The following SPAG16 variants were observed in gnomAD, a reference collection of about 807,000 sequenced individuals.
SPAG16 encodes sperm associated antigen 16.
In SPAG16, 86 loss-of-function variants were observed where a neutral mutation model predicts 80.4. That is an observed-to-expected ratio of 1.07 (90% CI 0.90 to 1.28). The LOEUF is 1.28. Among genes scored for constraint, SPAG16 ranks in the 50% most tolerant of loss-of-function variants. The pLI is 0.00. For synonymous variants in SPAG16, 294 were observed against 265.9 expected (o/e 1.11, Z -1.03); for missense variants, 870 against 765.3 (o/e 1.14, Z -1.61).
chr2:213,620,287 T>G (rs1490085724), intron 10 of SPAG16, among the ~76,000 whole-genome samples: 108 of 120,986 alleles, frequency 8.9e-4, no homozygotes, highest in Middle Eastern at 7.8e-3. Context: ...TTGAGTTTTT[T>G]TTTTTTTTTT....
intron 1 of SPAG16, among the ~76,000 whole-genome samples, chr2:213,294,140 A>G (rs1211598785): frequency 2.0e-5 from 3 of 152,120 alleles, no homozygotes; most frequent in African/African-American, 7.2e-5. Context: ...GTAGAGTTGG[A>G]ATTTTTTTTA....
At chr2:213,502,591 G>T (rs540365900) in intron 10 of SPAG16, among the ~76,000 whole-genome samples, 1 of 152,312 alleles carries the variant, frequency 6.6e-6, no homozygotes, top group Non-Finnish European at 1.5e-5. Flanking sequence ...TAAGAGATCA[G>T]CAAACAGTTA....
chr2:213,645,318 C>T (rs555257537), intron 10 of SPAG16, among the ~76,000 whole-genome samples: 29 of 151,988 alleles, frequency 1.9e-4, no homozygotes, highest in African/African-American at 6.8e-4. Flanking sequence ...GAATTAGGGA[C>T]CCCAAGAGTC....
chr2:213,994,548 A>G (rs1186303718), intron 12 of SPAG16, among the ~76,000 whole-genome samples: 1 of 149,344 alleles, frequency 6.7e-6, no homozygotes, highest in Non-Finnish European at 1.5e-5. Context: ...TCACATAGGT[A>G]TTTCAGAGGG....
intron 12 of SPAG16, among the ~76,000 whole-genome samples, chr2:213,995,313 G>A (rs1374478021): frequency 6.6e-6 from 1 of 152,194 alleles, no homozygotes; most frequent in Non-Finnish European, 1.5e-5. Context: ...ATAAGGCGGG[G>A]TGGGGCTCAG....
At chr2:213,608,540 A>T (rs2061341181) in intron 10 of SPAG16, among the ~76,000 whole-genome samples, 2 of 152,324 alleles carry the variant, frequency 1.3e-5, no homozygotes, top group African/African-American at 4.8e-5. Context: ...TCCATGGTGT[A>T]TATATGCCAC....
At chr2:213,407,637 G>GAGAGAGAC (rs2068701923) in intron 9 of SPAG16, among the ~76,000 whole-genome samples, 2 of 98,902 alleles carry the variant, frequency 2.0e-5, no homozygotes, top group Admixed American at 2.0e-4. Flanking sequence ...GAGAGAGAGA[G>GAGAGAGAC]AGACAGACAG....
At chr2:213,478,925 G>A (rs570624516) in intron 9 of SPAG16, among the ~76,000 whole-genome samples, 1 of 152,120 alleles carries the variant, frequency 6.6e-6, no homozygotes, top group Non-Finnish European at 1.5e-5. Flanking sequence ...TCAAGGATAA[G>A]GATAGAAAAT....
At chr2:213,853,078 AT>A (rs201052322) in intron 10 of SPAG16, among the ~76,000 whole-genome samples, 2,095 of 152,318 alleles carry the variant, frequency 0.014, 25 homozygotes, top group Middle Eastern at 0.071. Context: ...CGGGGCACAC[AT>A]TTTGATACGG....
intron 10 of SPAG16, among the ~76,000 whole-genome samples, chr2:213,750,123 T>C (rs999698426): frequency 2.6e-5 from 4 of 152,214 alleles, no homozygotes; most frequent in African/African-American, 9.6e-5. Flanking sequence ...TAAGAATTAA[T>C]TTTTACTTTG....
At chr2:213,519,659 G>A (rs1294874259) in intron 10 of SPAG16, among the ~76,000 whole-genome samples, 2 of 151,944 alleles carry the variant, frequency 1.3e-5, no homozygotes, top group South Asian at 2.1e-4. Flanking sequence ...GAACTAATAT[G>A]CCTTTGATTA....
intron 7 of SPAG16, among the ~76,000 whole-genome samples, chr2:213,353,872 G>T (rs1349613341): frequency 1.3e-5 from 2 of 152,084 alleles, no homozygotes; most frequent in African/African-American, 4.8e-5. Flanking sequence ...TCCCAATTTA[G>T]AAAATCTTTA....
chr2:213,904,186 T>C (rs937041791), intron 11 of SPAG16, among the ~76,000 whole-genome samples: 2 of 152,176 alleles, frequency 1.3e-5, no homozygotes, highest in African/African-American at 4.8e-5. Context: ...TTTGGTTACC[T>C]TGTCAGCAAC....
At chr2:213,339,219 G>A (rs897354749) in intron 5 of SPAG16, among the ~76,000 whole-genome samples, 44 of 151,990 alleles carry the variant, frequency 2.9e-4, no homozygotes, top group African/African-American at 1.0e-3. Flanking sequence ...TTCTGACACC[G>A]CTTAAAGCAG....
chr2:214,012,286 A>ATTTTT lies in SPAG16; in HGVS notation c.1401-1664_1401-1663insTTTTT, dbSNP rs1162955315. Reference sequence around the variant, plus strand: ...TATATATATATATATATATATATATATATTTTTTTTTTTTTTTTTTTTTCC... The same window carrying ATTTTT: ...TATATATATATATATATATATATATATTTTTTATTTTTTTTTTTTTTTTTTTTTCC... On this transcript the variant is annotated intron_variant, in intron 12 of 15. Transcript: ENST00000331683. Among the ~76,000 whole-genome samples the ATTTTT allele has an allele frequency of 2.1e-3, 116 of 54,926 alleles. 4 individuals carry two copies. Among genetic ancestry groups the ATTTTT allele is most frequent in the East Asian group, 0.012 (22 of 1,808 alleles). 36.0% of individuals were successfully genotyped at this position (54,926 alleles called of 152,430 possible). A position where few individuals can be genotyped will look rare whatever the true frequency, so the allele number is the denominator to read the frequency against.
chr2:213,720,610 C>G (rs931508532), intron 10 of SPAG16, among the ~76,000 whole-genome samples: 21 of 151,330 alleles, frequency 1.4e-4, no homozygotes, highest in Admixed American at 9.9e-4. Flanking sequence ...TGCACTCCAG[C>G]CTGGGCGACA....
intron 15 of SPAG16, among the ~76,000 whole-genome samples, chr2:214,276,073 T>C (rs1692441811): frequency 6.6e-6 from 1 of 152,188 alleles, no homozygotes; most frequent in Non-Finnish European, 1.5e-5. Flanking sequence ...CATTTGATCT[T>C]TGTTGGTTTA....
chr2:214,347,646 G>A (rs910508262), intron 15 of SPAG16, among the ~76,000 whole-genome samples: 11 of 152,250 alleles, frequency 7.2e-5, no homozygotes, highest in East Asian at 5.8e-4. Context: ...TTATCCTGAC[G>A]ATATTATCAC....
At chr2:213,509,490 C>T (rs1431484006) in intron 10 of SPAG16, among the ~76,000 whole-genome samples, 12 of 152,188 alleles carry the variant, frequency 7.9e-5, no homozygotes, top group African/African-American at 2.9e-4. Context: ...CACCCTTCTA[C>T]ACTTTCATCC....
Sources: gnomAD v4.1 joint callset for allele counts (sites outside exome capture counted in the v4.1 genomes callset) on GRCh38, gnomAD v4.1.1 for gene constraint, MANE v1.5 for transcripts, NCBI Gene and HGNC (gene_info 2026-07-23, HGNC 2026-07-21) for gene names.